Variants in TBPL1 observed in about 807,000 individuals in gnomAD.
TBPL1 encodes the protein TATA-box binding protein like 1.
A neutral mutation model predicts 22.1 loss-of-function variants in TBPL1; 4 were observed. The ratio of observed to expected loss-of-function variants is 0.18; its 90% CI spans 0.09 to 0.41. The LOEUF (loss-of-function observed/expected upper bound fraction) is 0.41. Among genes scored for constraint, TBPL1 ranks in the 10% least tolerant of loss-of-function variants. TBPL1 has a pLI of 1.00. For missense variants in TBPL1, 115 were observed against 222.3 expected (o/e 0.52, Z 3.07); for synonymous variants, 64 against 71.0 (o/e 0.90, Z 0.50).
intron 1 of TBPL1, among the ~76,000 whole-genome samples, chr6:133,954,870 T>C (rs1174968341): frequency 6.6e-6 from 1 of 152,142 alleles, no homozygotes; most frequent in Non-Finnish European, 1.5e-5. Context: ...TGGGCTGGCT[T>C]GTTCCTGAAT....
At chr6:133,965,250 G>A (rs979287679) in intron 1 of TBPL1, among the ~76,000 whole-genome samples, 3 of 152,144 alleles carry the variant, frequency 2.0e-5, no homozygotes, top group African/African-American at 7.2e-5. Flanking sequence ...TCAGTAAAGA[G>A]ATGAAACTTT....
chr6:133,979,966 A>G lies in TBPL1; in HGVS notation c.-44-116A>G, dbSNP rs1776380259. On this transcript the variant is annotated intron_variant, in intron 1 of 6. Coordinates refer to ENST00000237264, the MANE Select transcript of TBPL1 (RefSeq NM_004865.4). ...CCGGCCAGGGACATGATTTGATTCTAGTAACATTTGAAAAATAAATAATAT... is the reference window on the plus strand; with the variant it reads ...CCGGCCAGGGACATGATTTGATTCTGGTAACATTTGAAAAATAAATAATAT... 4.8e-6 allele frequency: 4 copies of G among 828,310 alleles called. 1 individual carries two copies. The highest frequency in any genetic ancestry group is 1.8e-5 in the African/African-American group (1 of 55,754). 51.3% of individuals were successfully genotyped at this position (828,310 alleles called of 1,614,324 possible).
intron 6 of TBPL1, among the ~76,000 whole-genome samples, chr6:133,986,374 A>G (rs574620125): frequency 4.6e-5 from 7 of 152,228 alleles, no homozygotes; most frequent in Admixed American, 6.5e-5. Context: ...AAGAATTAGC[A>G]TAATGCATGG....
At chr6:133,970,028 C>G (rs1776191087) in intron 1 of TBPL1, among the ~76,000 whole-genome samples, 1 of 152,172 alleles carries the variant, frequency 6.6e-6, no homozygotes, top group Non-Finnish European at 1.5e-5. Flanking sequence ...TGTGCCACTC[C>G]TAACTGTTGG....
chr6:133,979,227 G>A (rs72982291), intron 1 of TBPL1, among the ~76,000 whole-genome samples: 2,999 of 152,248 alleles, frequency 0.02, 37 homozygotes, highest in African/African-American at 0.034. Flanking sequence ...CAGTGTATAG[G>A]TGTTCAGAAA....
chr6:133,976,693 A>C (rs1776318247), intron 1 of TBPL1, among the ~76,000 whole-genome samples: 1 of 152,144 alleles, frequency 6.6e-6, no homozygotes, highest in Non-Finnish European at 1.5e-5. Flanking sequence ...CTTTGTAGAA[A>C]CTGAGCTATT....
At chr6:133,984,761 TC>T in intron 6 of TBPL1, 90 bp downstream of exon 6, 2 of 1,159,018 alleles carry the variant, frequency 1.7e-6, no homozygotes, top group South Asian at 1.4e-5. Flanking sequence ...TGTGATTTGT[TC>T]CTTTCAGTCA....
rs1047483575 is a variant in TBPL1 at position 133,980,250 on chromosome 6, G to A, written c.125G>A (p.Arg42His). ...ALEGANVIYK[R>H]DVGKVLMKLR... ...GAAGGAGCAAATGTAATTTATAAAC[G>A]TGATGTTGGAGTAAGTATCTGAGTT... The change falls in exon 2 of 7, where the codon CGT (arginine) becomes CAT (histidine). Residue 42 changes from arginine to histidine, a missense_variant. Coordinates refer to ENST00000237264, the MANE Select transcript of TBPL1 (RefSeq NM_004865.4). 5 of 1,604,878 alleles carry A rather than the reference G, an allele frequency of 3.1e-6. No individual in the cohort carries two copies. The highest frequency in any genetic ancestry group is 4.2e-6 in the Non-Finnish European group (5 of 1,176,794).
At chr6:133,957,728 G>A (rs919637933) in intron 1 of TBPL1, among the ~76,000 whole-genome samples, 1 of 152,194 alleles carries the variant, frequency 6.6e-6, no homozygotes, top group Non-Finnish European at 1.5e-5. Context: ...ATATTAAATA[G>A]CTTTCTCACT....
intron 3 of TBPL1, 73 bp from the exon 4 acceptor site, chr6:133,982,744 G>C (rs947270760): frequency 6.3e-7 from 1 of 1,583,642 alleles, no homozygotes; most frequent in African/African-American, 1.4e-5. Flanking sequence ...CATATGTAAA[G>C]TTTGTTATGT....
intron 1 of TBPL1, among the ~76,000 whole-genome samples, chr6:133,956,204 A>G (rs950181988): frequency 2.0e-5 from 3 of 152,206 alleles, no homozygotes; most frequent in South Asian, 4.1e-4. Context: ...AAGAATTTAT[A>G]GTAGAATGTT....
intron 1 of TBPL1, among the ~76,000 whole-genome samples, chr6:133,967,234 T>C (rs1391977527): frequency 5.3e-5 from 8 of 152,190 alleles, no homozygotes; most frequent in Admixed American, 3.3e-4. Context: ...TTCATTGTTA[T>C]AGAATTGATT....
At chr6:133,984,504 T>G in intron 5 of TBPL1, 25 bp downstream of exon 5, 1 of 1,611,500 alleles carries the variant, frequency 6.2e-7, no homozygotes. Context: ...CAATTTATCT[T>G]GAGAAATTAC....
intron 1 of TBPL1, among the ~76,000 whole-genome samples, chr6:133,966,640 T>C (rs1255160503): frequency 6.6e-6 from 1 of 152,184 alleles, no homozygotes; most frequent in Non-Finnish European, 1.5e-5. Context: ...ACCTTTCTCA[T>C]CTGCCCTGCA....
intron 1 of TBPL1, among the ~76,000 whole-genome samples, chr6:133,979,733 G>A (rs553402088): frequency 9.4e-4 from 143 of 151,894 alleles, no homozygotes; most frequent in African/African-American, 3.2e-3. Context: ...TGCAACCTCC[G>A]CCTCCCAGGT....
chr6:133,957,693 C>CT (rs1775950987), intron 1 of TBPL1, among the ~76,000 whole-genome samples: 1 of 152,200 alleles, frequency 6.6e-6, no homozygotes, highest in African/African-American at 2.4e-5. Context: ...CATGGCTGTG[C>CT]TTTTAATTAA....
At chr6:133,958,766 G>A (rs1775968573) in intron 1 of TBPL1, among the ~76,000 whole-genome samples, 1 of 151,922 alleles carries the variant, frequency 6.6e-6, no homozygotes, top group Non-Finnish European at 1.5e-5. Context: ...ATACTATAGA[G>A]GTTTATATAA....
chr6:133,960,051 T>G (rs1253547670), intron 1 of TBPL1, among the ~76,000 whole-genome samples: 1 of 152,222 alleles, frequency 6.6e-6, no homozygotes, highest in South Asian at 2.1e-4. Context: ...CACCTACTTA[T>G]GGCTGCAGTG....
intron 1 of TBPL1, among the ~76,000 whole-genome samples, chr6:133,959,563 C>T (rs571511293): frequency 6.6e-6 from 1 of 152,254 alleles, no homozygotes; most frequent in South Asian, 2.1e-4. Context: ...CTCACTGCAA[C>T]CTCCATCTTC....
Sources: allele counts gnomAD v4.1 joint callset (sites outside exome capture counted in the v4.1 genomes callset), GRCh38; gene constraint gnomAD v4.1.1; transcripts MANE v1.5; gene names NCBI Gene and HGNC (gene_info 2026-07-23, HGNC 2026-07-21).